R3HDM1: variants seen among roughly 807,000 people sequenced by gnomAD.
R3HDM1 encodes R3H domain-containing protein 1.
Under a neutral mutation model 141.1 loss-of-function variants are expected in R3HDM1, and 46 were observed. That is an observed-to-expected ratio of 0.33 (90% CI 0.26 to 0.42). The LOEUF (loss-of-function observed/expected upper bound fraction) is 0.42. R3HDM1 is among the 10% of genes least tolerant of loss of function. The probability of loss-of-function intolerance (pLI) is 1.00; values close to 1 mark genes in which losing one functional copy is unlikely to be tolerated. For missense variants in R3HDM1, 1,184 were observed against 1,368.3 expected, an observed-to-expected ratio of 0.87 and a Z score of 2.12; for synonymous variants, 435 against 472.9, an observed-to-expected ratio of 0.92 and a Z score of 1.04.
At chr2:135,566,768 G>A (rs1411528978) in intron 1 of R3HDM1, 16 of 985,096 alleles carry the variant, frequency 1.6e-5, no homozygotes, top group Admixed American at 1.2e-4. Context: ...TAAGCCCAGC[G>A]CGGTGGCTCA....
At chr2:135,533,750 G>C (rs1695450494) in intron 1 of R3HDM1, among the ~76,000 whole-genome samples, 2 of 152,154 alleles carry the variant, frequency 1.3e-5, no homozygotes, top group Admixed American at 1.3e-4. Context: ...ATGGTGGCGG[G>C]CACCTGTAAT....
Position 135,592,002 on chromosome 2 carries a change from G to A in R3HDM1, c.-249-10498G>A, listed in dbSNP as rs182805749. 1.3e-4 allele frequency among the ~76,000 whole-genome samples: 20 copies of A among 152,170 alleles called. 1 individual carries two copies. Among genetic ancestry groups the A allele is most frequent in the Admixed American group, 1.2e-3 (18 of 15,284 alleles). On this transcript the variant is annotated intron_variant, in intron 1 of 26. Transcript: ENST00000683871. ...AGCTTCAGTGTTCAGAGTTTTTATT[G>A]GGATCTCATTACATTGGCATGATTA...
Position 135,710,162 on chromosome 2 carries a change from C to A in R3HDM1, c.2667C>A (p.Asn889Lys), listed in dbSNP as rs1260257351. ...CAHSPPQWKQ[N>K]KYYCDHQRGQ... ...ACTCACCCCCGCAGTGGAAACAAAA[C>A]AAATATTACTGTGATCACCAGAGAG... The change falls in exon 23 of 27, where the codon AAC (asparagine) becomes AAA (lysine). Residue 889 changes from asparagine (N) to lysine (K), a missense_variant. Transcript: ENST00000683871. 12 of 1,614,110 alleles carry A rather than the reference C, an allele frequency of 7.4e-6. No homozygotes were observed. The highest frequency in any genetic ancestry group is 1.0e-5 in the Non-Finnish European group (12 of 1,179,958).
intron 1 of R3HDM1, among the ~76,000 whole-genome samples, chr2:135,553,728 G>T (rs1338888302): frequency 1.8e-4 from 27 of 152,214 alleles, no homozygotes; most frequent in Non-Finnish European, 1.5e-5. Context: ...GTCTCACTCT[G>T]TCGCCCAGGC....
rs1696221059 is a variant in R3HDM1, at chr2:135,536,783, G to A, written c.-250+5150G>A. 13 of 897,450 alleles carry A rather than the reference G, an allele frequency of 1.4e-5. No individual in the cohort carries two copies. The South Asian group carries it at 5.1e-4, about 35-fold the overall frequency. 55.6% of individuals were successfully genotyped at this position (897,450 alleles called of 1,614,324 possible). ...GGAGCTGGGCCACACAGCAGGAGGT[G>A]TGCAGTGGACCGGTGAACATCACCA... On this transcript the variant is annotated intron_variant, in intron 1 of 26. Coordinates refer to ENST00000683871, the MANE Select transcript of R3HDM1 (RefSeq NM_001378107.1).
intron 19 of R3HDM1, among the ~76,000 whole-genome samples, chr2:135,664,664 A>G (rs920688892): frequency 6.6e-6 from 1 of 152,234 alleles, no homozygotes; most frequent in Non-Finnish European, 1.5e-5. Context: ...AGTGGACCAC[A>G]ACTGAAATCA....
At chr2:135,639,239 G>C in intron 14 of R3HDM1, 117 bp downstream of exon 14, 1 of 990,234 alleles carries the variant, frequency 1.0e-6, no homozygotes, top group Non-Finnish European at 1.5e-6. Context: ...ACTATCAATA[G>C]TACCTTGACC....
chr2:135,576,843 T>C (rs1440003293), intron 1 of R3HDM1, among the ~76,000 whole-genome samples: 1 of 152,148 alleles, frequency 6.6e-6, no homozygotes, highest in African/African-American at 2.4e-5. Context: ...TGCCGGGGGC[T>C]AAGGGAGTTT....
intron 23 of R3HDM1, among the ~76,000 whole-genome samples, chr2:135,713,176 T>C (rs1390983457): frequency 6.6e-6 from 1 of 152,026 alleles, no homozygotes; most frequent in Non-Finnish European, 1.5e-5. Context: ...TACTCCAGCC[T>C]AGGTAACAGA....
chr2:135,613,051 C>T (rs2060686025), intron 3 of R3HDM1, among the ~76,000 whole-genome samples: 1 of 152,156 alleles, frequency 6.6e-6, no homozygotes, highest in African/African-American at 2.4e-5. Flanking sequence ...TATTAGTTTT[C>T]TATTGCTGCA....
intron 1 of R3HDM1, chr2:135,550,077 T>C: frequency 3.0e-6 from 3 of 984,806 alleles, no homozygotes; most frequent in Non-Finnish European, 3.6e-6. Context: ...ATCTGGAATG[T>C]CTTTTCCAGC....
chr2:135,569,965 A>C (rs1291390716), intron 1 of R3HDM1, among the ~76,000 whole-genome samples: 1 of 152,066 alleles, frequency 6.6e-6, no homozygotes, highest in African/African-American at 2.4e-5. Flanking sequence ...TGACCTCGTG[A>C]TCTGTCCGCC....
At chr2:135,631,581 T>C (rs531191765) in intron 7 of R3HDM1, 137 bp from the exon 8 acceptor site, 3 of 563,464 alleles carry the variant, frequency 5.3e-6, no homozygotes, top group South Asian at 4.9e-5. Flanking sequence ...ATAAATATTC[T>C]AGCATCAAGA....
intron 22 of R3HDM1, 43 bp downstream of exon 22, chr2:135,709,579 G>A: frequency 6.2e-7 from 1 of 1,601,702 alleles, no homozygotes; most frequent in Non-Finnish European, 8.5e-7. Context: ...GTTCATATGA[G>A]AAATAGTTCG....
At chr2:135,565,181 T>C (rs991692474) in intron 1 of R3HDM1, among the ~76,000 whole-genome samples, 1 of 152,066 alleles carries the variant, frequency 6.6e-6, no homozygotes, top group Admixed American at 6.5e-5. Flanking sequence ...ATCAAAGATA[T>C]ATTCAGTATA....
At chr2:135,622,045 A>G (rs1411891483) in intron 6 of R3HDM1, 1 of 984,224 alleles carries the variant, frequency 1.0e-6, no homozygotes, top group Non-Finnish European at 1.2e-6. Context: ...CTAGCATTGC[A>G]GATCAATAGA....
intron 18 of R3HDM1, among the ~76,000 whole-genome samples, chr2:135,656,243 T>C (rs1214976044): frequency 6.6e-6 from 1 of 152,222 alleles, no homozygotes; most frequent in Non-Finnish European, 1.5e-5. Flanking sequence ...GATCTTTTTC[T>C]ATCTTACTTG....
At chr2:135,532,389 C>T (rs1695056283) in intron 1 of R3HDM1, among the ~76,000 whole-genome samples, 1 of 152,096 alleles carries the variant, frequency 6.6e-6, no homozygotes, top group African/African-American at 2.4e-5. Context: ...GTTGCTGTGA[C>T]TAGGTGCAAA....
At chr2:135,582,292 T>G (rs898338209) in intron 1 of R3HDM1, among the ~76,000 whole-genome samples, 5 of 152,066 alleles carry the variant, frequency 3.3e-5, no homozygotes, top group African/African-American at 1.2e-4. Flanking sequence ...GATTGCACCA[T>G]TGCACTCCAG....
Sources: gnomAD v4.1 joint callset for allele counts (sites outside exome capture counted in the v4.1 genomes callset) on GRCh38, gnomAD v4.1.1 for gene constraint, MANE v1.5 for transcripts, NCBI Gene and HGNC (gene_info 2026-07-23, HGNC 2026-07-21) for gene names.